The following SAMMSON variants were observed in gnomAD, a reference collection of about 807,000 sequenced individuals.
SAMMSON encodes long intergenic non-protein coding RNA 1212.
intron 3 of SAMMSON, among the ~76,000 whole-genome samples, chr3:70,045,094 A>G (rs1468454881): frequency 4.0e-5 from 5 of 125,764 alleles, no homozygotes; most frequent in Non-Finnish European, 8.0e-5. Context: ...ATAATTAATT[A>G]TAATATATAT....
chr3:70,221,641 A>G (rs112518776), intron 4 of SAMMSON, among the ~76,000 whole-genome samples: 3,969 of 152,262 alleles, frequency 0.026, 77 homozygotes, highest in Non-Finnish European at 0.035. Context: ...TTTGGAAACC[A>G]GTATAATTCC....
At chr3:70,181,475 C>A (rs1701052746) in intron 4 of SAMMSON, among the ~76,000 whole-genome samples, 1 of 152,170 alleles carries the variant, frequency 6.6e-6, no homozygotes, top group African/African-American at 2.4e-5. Context: ...GGATAAAGTC[C>A]AAGCCCTGCT....
chr3:70,044,691 TAAAAC>T (rs1266611318), intron 3 of SAMMSON, among the ~76,000 whole-genome samples: 3 of 151,644 alleles, frequency 2.0e-5, no homozygotes, highest in Non-Finnish European at 2.9e-5. Context: ...CATGCACAAA[TAAAAC>T]AAAAACTGGA....
intron 2 of SAMMSON, among the ~76,000 whole-genome samples, chr3:70,405,017 C>T (rs926855083): frequency 2.0e-5 from 3 of 149,926 alleles, no homozygotes; most frequent in Non-Finnish European, 4.5e-5. Flanking sequence ...AAACAAATAA[C>T]AACAACAAAA....
At chr3:70,143,368 A>ATGTG (rs142389051) in intron 4 of SAMMSON, among the ~76,000 whole-genome samples, 10,992 of 150,508 alleles carry the variant, frequency 0.073, 539 homozygotes, top group Non-Finnish European at 0.11. Flanking sequence ...ATATGTGTGA[A>ATGTG]TGTGTGTGTG....
Position 70,419,936 on chromosome 3 carries a change from C to T in SAMMSON, n.234-42624C>T, listed in dbSNP as rs961345972. Among the ~76,000 whole-genome samples, 6 of 152,328 alleles carry T rather than the reference C, an allele frequency of 3.9e-5. No individual in the cohort carries two copies. The East Asian group carries it at 1.2e-3, about 29-fold the overall frequency. ...TACAGGCATGAGCCACCACGCCCAG[C>T]AAAATAGTTTTATACATAGAGTTTT... On this transcript the variant is annotated intron_variant and non_coding_transcript_variant, in intron 2 of 3. Transcript: ENST00000641053.
At chr3:70,111,347 C>T (rs2067388513) in intron 4 of SAMMSON, among the ~76,000 whole-genome samples, 2 of 152,168 alleles carry the variant, frequency 1.3e-5, no homozygotes, top group Non-Finnish European at 2.9e-5. Flanking sequence ...TACTGGGAAT[C>T]ATCCAGAATA....
At chr3:70,426,063 G>A (rs11919837) in intron 2 of SAMMSON, among the ~76,000 whole-genome samples, 68,603 of 151,986 alleles carry the variant, frequency 0.45, 15,802 homozygotes, top group African/African-American at 0.53. Context: ...CACATGTGAT[G>A]TTTTCCTACT....
At chr3:70,392,748 G>T (rs191010131), downstream of SAMMSON, among the ~76,000 whole-genome samples, 1 of 152,016 alleles carries the variant, frequency 6.6e-6, no homozygotes, top group African/African-American at 2.4e-5. Flanking sequence ...ATATTGACCC[G>T]CCAGGGTTGT....
intron 4 of SAMMSON, among the ~76,000 whole-genome samples, chr3:70,134,426 G>T (rs995792762): frequency 1.3e-5 from 2 of 151,062 alleles, no homozygotes; most frequent in Admixed American, 6.6e-5. Context: ...CTACTTGGAG[G>T]TATCCCTGCA....
At chr3:70,178,157 GGGCTCTTCAAAACAGTTCCA>G (rs1175579977) in intron 4 of SAMMSON, among the ~76,000 whole-genome samples, 1 of 152,042 alleles carries the variant, frequency 6.6e-6, no homozygotes, top group Non-Finnish European at 1.5e-5. Flanking sequence ...TGTCTTATGA[GGGCTCTTCAAAACAGTTCCA>G]GGCTCTTCTC....
At chr3:70,095,172 C>T (rs1005657085) in intron 4 of SAMMSON, among the ~76,000 whole-genome samples, 4 of 152,110 alleles carry the variant, frequency 2.6e-5, no homozygotes, top group Non-Finnish European at 4.4e-5. Context: ...TATCTTAGGT[C>T]TACGTGCCAG....
At chr3:70,096,567 G>T (rs2067323598) in intron 4 of SAMMSON, among the ~76,000 whole-genome samples, 1 of 152,060 alleles carries the variant, frequency 6.6e-6, no homozygotes, top group Non-Finnish European at 1.5e-5. Context: ...CTGCTAACAA[G>T]ACAAAAGTCA....
intron 6 of SAMMSON, among the ~76,000 whole-genome samples, chr3:70,259,221 T>C (rs891299820): frequency 2.6e-5 from 4 of 152,258 alleles, no homozygotes; most frequent in Middle Eastern, 6.8e-3. Context: ...CTATTCATAG[T>C]CTATGCTAAA....
chr3:70,258,550 G>A (rs1264841818), intron 6 of SAMMSON, among the ~76,000 whole-genome samples: 1 of 152,012 alleles, frequency 6.6e-6, no homozygotes, highest in Non-Finnish European at 1.5e-5. Context: ...TTTTAAGTTA[G>A]TATGATCTGA....
intron 7 of SAMMSON, among the ~76,000 whole-genome samples, chr3:70,330,662 G>A (rs551124787): frequency 6.6e-6 from 1 of 152,072 alleles, no homozygotes; most frequent in Non-Finnish European, 1.5e-5. Context: ...AGTCAGTGCT[G>A]TTGGTTTAAA....
At chr3:70,373,398 CTT>C (rs1413277968) in intron 9 of SAMMSON, among the ~76,000 whole-genome samples, 1 of 151,632 alleles carries the variant, frequency 6.6e-6, no homozygotes, top group Non-Finnish European at 1.5e-5. Flanking sequence ...TCAAGTTTTC[CTT>C]TGTTTTTAAT....
intron 4 of SAMMSON, chr3:70,119,987 G>A (rs1171116846): frequency 6.6e-6 from 1 of 152,070 alleles, no homozygotes; most frequent in Admixed American, 6.5e-5. Context: ...ATCAGATCTA[G>A]GTCTTTGATA....
In SAMMSON at chr3:70,037,161, GTT is replaced by G. The variant is rs112179007; in HGVS notation, n.417+23499_417+23500del. Among the ~76,000 whole-genome samples, 602 of 145,182 alleles carry G rather than the reference GTT, an allele frequency of 4.1e-3. 6 individuals are homozygous for G. The highest frequency in any genetic ancestry group is 0.015 in the African/African-American group (580 of 39,748). On this transcript the variant is annotated intron_variant and non_coding_transcript_variant, in intron 3 of 9. Transcript: ENST00000642114. ...ACCTGTAGTGAGCATCTATTGATTT[GTT>G]TTTTTTTTTCCACCCCTCCTTAAGG...
Sources: gnomAD v4.1 joint callset for allele counts (sites outside exome capture counted in the v4.1 genomes callset) on GRCh38, gnomAD v4.1.1 for gene constraint, MANE v1.5 for transcripts, NCBI Gene and HGNC (gene_info 2026-07-23, HGNC 2026-07-21) for gene names.